The following DMD variants were observed in gnomAD, a reference collection of about 807,000 sequenced individuals.
The protein encoded by DMD is dystrophin, also known as mutant dystrophin.
In DMD, 63 loss-of-function variants were observed where a neutral mutation model predicts 330.1. The observed-to-expected ratio is 0.19, with a 90% CI of 0.16 to 0.24. DMD has a LOEUF of 0.24. Ranked by LOEUF, DMD falls within the 10% of genes least tolerant of loss-of-function variation. DMD has a pLI of 1.00. For missense variants in DMD, 3,344 were observed against 2,684.1 expected (o/e 1.25, Z -5.43); for synonymous variants, 1,223 against 959.8 (o/e 1.27, Z -5.07).
chrX:32,575,990 T>C (rs1386497232), intron 13 of DMD, among the ~76,000 whole-genome samples: 1 of 112,285 alleles, frequency 8.9e-6, no homozygotes, highest in South Asian at 3.7e-4. Flanking sequence ...GTATAATTTA[T>C]TAATTTTAGT....
intron 50 of DMD, among the ~76,000 whole-genome samples, chrX:31,803,708 T>G (rs188802457): frequency 1.2e-5 from 1 of 84,022 alleles, no homozygotes; most frequent in Non-Finnish European, 2.5e-5. Context: ...CTCTTTCTTT[T>G]TATTTTTTGA....
chrX:33,247,530 A>C (rs1250152847), intron 1 of DMD, among the ~76,000 whole-genome samples: 1 of 111,889 alleles, frequency 8.9e-6, no homozygotes, highest in Admixed American at 9.6e-5. Context: ...GTTCTACTAT[A>C]AAACCAATTG....
intron 7 of DMD, among the ~76,000 whole-genome samples, chrX:32,710,086 A>C (rs999904104): frequency 4.5e-5 from 5 of 111,570 alleles, no homozygotes; most frequent in African/African-American, 6.5e-5. Context: ...CTCCCTACAA[A>C]ATTCTGCAAA....
intron 43 of DMD, among the ~76,000 whole-genome samples, chrX:32,263,728 T>C (rs192243826): frequency 9.0e-6 from 1 of 111,582 alleles, no homozygotes; most frequent in African/African-American, 3.3e-5. Flanking sequence ...ATGTCCTCTA[T>C]AGGAAGGCCA....
intron 7 of DMD, among the ~76,000 whole-genome samples, chrX:32,735,546 T>TGG (rs1455877156): frequency 1.8e-5 from 2 of 111,364 alleles, no homozygotes; most frequent in African/African-American, 6.6e-5. Flanking sequence ...CAAAACAGCA[T>TGG]GGTACTGGTA....
intron 2 of DMD, among the ~76,000 whole-genome samples, chrX:32,914,024 G>A (rs771430882): frequency 2.7e-5 from 3 of 111,589 alleles, no homozygotes; most frequent in Admixed American, 1.9e-4. Flanking sequence ...TACCAAATGA[G>A]CTAGTTGCTC....
chrX:31,379,854 G>T (rs887760062), intron 60 of DMD, among the ~76,000 whole-genome samples: 2 of 111,720 alleles, frequency 1.8e-5, no homozygotes, highest in East Asian at 2.8e-4. Flanking sequence ...CCCATCTGTG[G>T]AGGACCCCAC....
At chrX:32,361,761 T>G (rs1326505241) in intron 37 of DMD, among the ~76,000 whole-genome samples, 1 of 111,687 alleles carries the variant, frequency 9.0e-6, no homozygotes, top group African/African-American at 3.2e-5. Flanking sequence ...AATGTTCTAT[T>G]TTTCCAGGAA....
intron 57 of DMD, among the ~76,000 whole-genome samples, chrX:31,489,647 A>G (rs1248290856): frequency 8.9e-6 from 1 of 112,392 alleles, no homozygotes; most frequent in Admixed American, 9.4e-5. Flanking sequence ...TGCTTAACAT[A>G]GAGTAGGCTC....
intron 11 of DMD, among the ~76,000 whole-genome samples, chrX:32,641,785 C>G (rs1267335289): frequency 9.0e-6 from 1 of 110,799 alleles, no homozygotes; most frequent in African/African-American, 3.3e-5. Context: ...CCGACTGGAT[C>G]TATCCAAACC....
intron 61 of DMD, among the ~76,000 whole-genome samples, chrX:31,337,697 T>C (rs1292472320): frequency 8.9e-6 from 1 of 111,882 alleles, no homozygotes; most frequent in Admixed American, 9.5e-5. Flanking sequence ...GAGCCAGCAT[T>C]CCACCAAAAT....
chrX:33,000,748 T>C (rs1261007947), intron 2 of DMD, among the ~76,000 whole-genome samples: 4 of 111,908 alleles, frequency 3.6e-5, no homozygotes, highest in Non-Finnish European at 7.5e-5. Flanking sequence ...AGAAATAATA[T>C]TTTTGTTTTA....
chrX:31,664,445 G>A (rs2081300024), intron 53 of DMD, among the ~76,000 whole-genome samples: 1 of 109,530 alleles, frequency 9.1e-6, no homozygotes, highest in Non-Finnish European at 1.9e-5. Flanking sequence ...AGCAACTGGT[G>A]CTGCTGACTA....
intron 2 of DMD, among the ~76,000 whole-genome samples, chrX:32,977,034 T>C (rs1385934612): frequency 8.9e-6 from 1 of 111,762 alleles, no homozygotes; most frequent in East Asian, 2.8e-4. Flanking sequence ...CTCACACCTG[T>C]AATCCCAACA....
chrX:31,510,804 T>C (rs778452677), intron 55 of DMD, among the ~76,000 whole-genome samples: 66 of 111,139 alleles, frequency 5.9e-4, no homozygotes, highest in African/African-American at 1.7e-3. Context: ...CCACCACACC[T>C]GGCCCTGATT....
At chrX:32,908,867 A>C (rs186514642) in intron 2 of DMD, among the ~76,000 whole-genome samples, 1 of 111,423 alleles carries the variant, frequency 9.0e-6, no homozygotes, top group East Asian at 2.8e-4. Context: ...GTTAGATCAC[A>C]CCTGAAAATT....
intron 1 of DMD, among the ~76,000 whole-genome samples, chrX:33,118,508 A>G (rs987738147): frequency 1.8e-5 from 2 of 112,044 alleles, no homozygotes; most frequent in Admixed American, 1.9e-4. Context: ...AGCTTGCTTT[A>G]CTCTTAAGCA....
At chrX:32,543,198 A>G (rs1016813789) in intron 17 of DMD, among the ~76,000 whole-genome samples, 3 of 111,914 alleles carry the variant, frequency 2.7e-5, no homozygotes, top group African/African-American at 9.7e-5. Context: ...ATCTTTCTGT[A>G]TGTGCCCAAT....
intron 1 of DMD, among the ~76,000 whole-genome samples, chrX:33,314,570 G>GTTTTTTTTT (rs1170142842): frequency 1.6e-4 from 13 of 79,039 alleles, no homozygotes; most frequent in Non-Finnish European, 2.1e-4. Flanking sequence ...TTTTTTTTTT[G>GTTTTTTTTT]TTTTTTTTTT....
Sources: gnomAD v4.1 joint callset for allele counts (sites outside exome capture counted in the v4.1 genomes callset) on GRCh38, gnomAD v4.1.1 for gene constraint, MANE v1.5 for transcripts, NCBI Gene and HGNC (gene_info 2026-07-23, HGNC 2026-07-21) for gene names.